ARIH2: variants seen among roughly 807,000 people sequenced by gnomAD.
ARIH2 encodes E3 ubiquitin-protein ligase ARIH2.
Under a neutral mutation model 79.8 loss-of-function variants are expected in ARIH2, and 12 were observed. The ratio of observed to expected loss-of-function variants is 0.15; its 90% CI spans 0.10 to 0.24. The LOEUF (loss-of-function observed/expected upper bound fraction) is 0.24, where lower values mean the gene tolerates loss of function less well. Ranked by LOEUF, ARIH2 falls within the 10% of genes least tolerant of loss-of-function variation. ARIH2 has a pLI of 1.00. For missense variants in ARIH2, 301 were observed against 618.3 expected, an observed-to-expected ratio of 0.49 and a Z score of 5.44; for synonymous variants, 224 against 213.9, an observed-to-expected ratio of 1.05 and a Z score of -0.41.
Position 48,927,807 on chromosome 3 carries a change from C to T in ARIH2, c.249C>T (p.Val83=). ...AGCACATGACCAGCTTAGCTTCTGT[C>T]CTAAAGGTGAGCAGTGTTGTAAACT... ...LNEHMTSLAS[V]LKVSHSVAKL... is the part of the protein sequence containing the mutation. Residue 83 remains valine, a synonymous_variant, in exon 3 of 16, where the codon GTC becomes GTT. Transcript: ENST00000356401. 1.2e-6 allele frequency: 2 copies of T among 1,613,946 alleles called. No homozygotes were observed. Among genetic ancestry groups the T allele is most frequent in the Non-Finnish European group, 1.7e-6 (2 of 1,179,926 alleles).
intron 3 of ARIH2, chr3:48,928,075 A>G (rs1476965537): frequency 8.9e-6 from 4 of 451,360 alleles, no homozygotes; most frequent in Middle Eastern, 6.0e-4. Flanking sequence ...CCATACCAGA[A>G]ATGTGTAGTA....
At position 48,957,507 on chromosome 3, in the gene ARIH2, G is replaced by A. The variant is rs150091995; in HGVS notation, c.256-4105G>A. 2.4e-4 allele frequency among the ~76,000 whole-genome samples: 37 copies of A among 152,292 alleles called. No individual in the cohort carries two copies. In the East Asian group the frequency reaches 6.2e-3, roughly 25 times the overall value. On this transcript the variant is annotated intron_variant, in intron 3 of 15. Transcript: ENST00000356401. The stretch of plus-strand genomic sequence containing the variant: ...TCTGTAGTGAAAAAAGACGGCAGCT[G>A]TTGGACATGGTCAGAATTCCTCTGA...
intron 3 of ARIH2, among the ~76,000 whole-genome samples, chr3:48,939,757 C>CAAAAAAAAA (rs1190260583): frequency 2.3e-5 from 1 of 43,524 alleles, no homozygotes; most frequent in East Asian, 1.1e-3. Flanking sequence ...GACTCCATCT[C>CAAAAAAAAA]AAAAAAAAAA....
rs753506586 is a variant in ARIH2, at chr3:48,968,566, C to A, written c.571C>A (p.Arg191Ser). The A allele has an allele frequency of 6.2e-7, 1 of 1,611,070 alleles. No individual in the cohort carries two copies. Among genetic ancestry groups the A allele is most frequent in the African/African-American group, 1.3e-5 (1 of 74,814 alleles). Residue 191 changes from arginine to serine, a missense_variant, in exon 7 of 16, where the codon CGT (arginine) becomes AGT (serine). Arg to Ser is a moderately radical substitution (Grantham distance 110). Transcript: ENST00000356401. ...TTGCATGGCTCAGGACTGTCCACTC[C>A]GTACACCAGAGGACTTTGTGTTTCC... ...VSCMAQDCPL[R>S]TPEDFVFPLL...
rs111820006 is a variant in ARIH2 at position 48,981,246 on chromosome 3, C to T, written c.1258-414C>T. Among the ~76,000 whole-genome samples, 1,171 of 150,384 alleles carry T rather than the reference C, an allele frequency of 7.8e-3. 12 individuals carry two copies. Among genetic ancestry groups the T allele is most frequent in the Admixed American group, 0.014 (208 of 15,056 alleles). On this transcript the variant is annotated intron_variant, in intron 13 of 15. Transcript: ENST00000356401. ...ACTTGGAAGGCTGAGGTGGGAGGAT[C>T]GCTTGAGTCTGGGAGGCAGAGTTTG...
intron 3 of ARIH2, among the ~76,000 whole-genome samples, chr3:48,959,406 G>A (rs1482489923): frequency 6.6e-6 from 1 of 151,526 alleles, no homozygotes; most frequent in Non-Finnish European, 1.5e-5. Context: ...TAAACAAGAT[G>A]TCTTGTCTCT....
intron 1 of ARIH2, chr3:48,922,305 ACTTT>A (rs1315620201): frequency 6.6e-6 from 1 of 151,234 alleles, no homozygotes; most frequent in South Asian, 2.1e-4. Context: ...TACTTAGATT[ACTTT>A]CTTTTTTTTT....
intron 3 of ARIH2, among the ~76,000 whole-genome samples, chr3:48,957,701 TTTTG>T (rs535577598): frequency 6.0e-4 from 91 of 152,094 alleles, no homozygotes; most frequent in East Asian, 1.9e-3. Flanking sequence ...ACTTCATTGT[TTTTG>T]TTTGTTTGTT....
chr3:48,932,711 C>G (rs1033375397), intron 3 of ARIH2, among the ~76,000 whole-genome samples: 8 of 152,128 alleles, frequency 5.3e-5, no homozygotes. Context: ...CTCCTAGTGC[C>G]CTCATCTTAG....
chr3:48,929,405 A>C lies in ARIH2; in HGVS notation c.255+1592A>C, dbSNP rs575268824. Among the ~76,000 whole-genome samples, 3 of 150,628 alleles carry C rather than the reference A, an allele frequency of 2.0e-5. No individual in the cohort carries two copies. The South Asian group carries it at 6.3e-4, about 32-fold the overall frequency. ...TGTAACATAAAATTTACTGTTTTAC[A>C]TTCTTCCTTCTTATACATGGTCAGC... On this transcript the variant is annotated intron_variant, in intron 3 of 15. Coordinates refer to ENST00000356401, the MANE Select transcript of ARIH2 (RefSeq NM_006321.4).
intron 3 of ARIH2, among the ~76,000 whole-genome samples, chr3:48,960,731 T>G (rs1048434663): frequency 1.2e-4 from 18 of 149,644 alleles, no homozygotes; most frequent in African/African-American, 4.0e-4. Context: ...GCCACTGCAC[T>G]CCAGCCTGGG....
In ARIH2 at chr3:48,921,019, C is replaced by T. The variant is rs1205002554; in HGVS notation, c.-161-1729C>T. ...TCTCTCAGGCTGGAGTGCAGTGGCGCGATCTCGGCTCACTGCAACCTCCGC... is the reference window on the plus strand; with the variant it reads ...TCTCTCAGGCTGGAGTGCAGTGGCGTGATCTCGGCTCACTGCAACCTCCGC... On this transcript the variant is annotated intron_variant, in intron 1 of 15. Transcript: ENST00000356401. 6.6e-5 allele frequency among the ~76,000 whole-genome samples: 5 copies of T among 76,248 alleles called. 2 individuals are homozygous for T. The highest frequency in any genetic ancestry group is 2.0e-4 in the African/African-American group (5 of 24,474). The allele number at this position is 76,248 out of a possible 152,430, so 50.0% of individuals were successfully genotyped here.
At chr3:48,946,680 T>C (rs902493527) in intron 3 of ARIH2, among the ~76,000 whole-genome samples, 3 of 151,714 alleles carry the variant, frequency 2.0e-5, no homozygotes, top group African/African-American at 7.3e-5. Context: ...GTAGGGTAAA[T>C]GAGAACAGAG....
intron 3 of ARIH2, among the ~76,000 whole-genome samples, chr3:48,940,408 A>G (rs563157412): frequency 6.6e-6 from 1 of 152,080 alleles, no homozygotes; most frequent in South Asian, 2.1e-4. Flanking sequence ...AGAGCGCACA[A>G]GTGAGCCAAG....
At chr3:48,942,635 T>C (rs931893979) in intron 3 of ARIH2, among the ~76,000 whole-genome samples, 7 of 148,214 alleles carry the variant, frequency 4.7e-5, no homozygotes, top group African/African-American at 1.5e-4. Context: ...CCTGCCACCA[T>C]GCCCGGCTAA....
chr3:48,935,440 C>CAAA (rs1412965916), intron 3 of ARIH2, among the ~76,000 whole-genome samples: 1 of 152,202 alleles, frequency 6.6e-6, no homozygotes, highest in African/African-American at 2.4e-5. Flanking sequence ...CTGCATTGGG[C>CAAA]ATTTAAGTGA....
chr3:48,940,427 C>T (rs942542386), intron 3 of ARIH2, among the ~76,000 whole-genome samples: 5 of 152,084 alleles, frequency 3.3e-5, no homozygotes, highest in East Asian at 1.9e-4. Context: ...AGTCTGGATG[C>T]GGTGGCTCAC....
chr3:48,942,978 C>T (rs911737204), intron 3 of ARIH2, among the ~76,000 whole-genome samples: 1 of 151,910 alleles, frequency 6.6e-6, no homozygotes, highest in African/African-American at 2.4e-5. Context: ...GGGGTTTCAC[C>T]ATGTTGGCCA....
intron 3 of ARIH2, among the ~76,000 whole-genome samples, chr3:48,933,588 C>T (rs560979214): frequency 7.1e-6 from 1 of 140,818 alleles, no homozygotes; most frequent in African/African-American, 2.7e-5. Context: ...CTCGCTGTGT[C>T]ACCCAGGCTG....
Sources: gnomAD v4.1 joint callset for allele counts (sites outside exome capture counted in the v4.1 genomes callset) on GRCh38, gnomAD v4.1.1 for gene constraint, MANE v1.5 for transcripts, NCBI Gene and HGNC (gene_info 2026-07-23, HGNC 2026-07-21) for gene names.